Variants in PRMT9 observed in about 807,000 individuals in gnomAD.
The protein encoded by PRMT9 is protein arginine methyltransferase 9, also known as protein arginine N-methyltransferase 9.
In PRMT9, 59 loss-of-function variants were observed where a neutral mutation model predicts 83.2. That is an observed-to-expected ratio of 0.71 (90% CI 0.57 to 0.88). PRMT9 has a LOEUF of 0.88. PRMT9 is among the 40% of genes least tolerant of loss of function. PRMT9 has a pLI of 0.00. For synonymous variants in PRMT9, 333 were observed against 353.2 expected, an observed-to-expected ratio of 0.94 and a Z score of 0.64; for missense variants, 947 against 1,021.9, an observed-to-expected ratio of 0.93 and a Z score of 1.00.
In PRMT9 at chr4:147,670,731, A is replaced by T. The variant is rs1411746984; in HGVS notation, c.756T>A (p.Val252=). The change falls in exon 5 of 12, where the codon GTT becomes GTA. Residue 252 remains valine, a synonymous_variant. Transcript: ENST00000322396. The stretch of plus-strand genomic sequence containing the variant: ...AACCTGCATCGACAGTTTCTGTTAC[A>T]ACTAGGGACACTCTATAGAATGATT... ...PKHIPERVSL[V]VTETVDAGLF... The T allele has an allele frequency of 2.5e-6, 4 of 1,604,916 alleles. No individual in the cohort carries two copies. The highest frequency in any genetic ancestry group is 3.4e-6 in the Non-Finnish European group (4 of 1,172,002).
chr4:147,662,798 C>CA (rs1460885570), intron 6 of PRMT9, among the ~76,000 whole-genome samples: 4 of 149,390 alleles, frequency 2.7e-5, no homozygotes, highest in African/African-American at 7.4e-5. Context: ...GACCCTGTCT[C>CA]AAAAAAACAA....
chr4:147,645,612 T>C lies in PRMT9; in HGVS notation c.2046-2672A>G, dbSNP rs1161954667. Among the ~76,000 whole-genome samples, 3 of 152,236 alleles carry C rather than the reference T, an allele frequency of 2.0e-5. No homozygotes were observed. The East Asian group carries it at 5.8e-4, about 29-fold the overall frequency. ...TCAACTATCAAATGGTTCAGTAAACTAAACAATAATCTAGTGTTCTCTGTT... is the reference window on the plus strand; with the variant it reads ...TCAACTATCAAATGGTTCAGTAAACCAAACAATAATCTAGTGTTCTCTGTT... On this transcript the variant is annotated intron_variant, in intron 9 of 11. Transcript: ENST00000322396.
intron 2 of PRMT9, among the ~76,000 whole-genome samples, chr4:147,675,876 C>T (rs1457715210): frequency 1.3e-5 from 2 of 152,154 alleles, no homozygotes; most frequent in African/African-American, 2.4e-5. Flanking sequence ...TTGAGACACT[C>T]CAGACACATT....
intron 7 of PRMT9, among the ~76,000 whole-genome samples, chr4:147,659,760 TAGTAGAG>T (rs1734823727): frequency 6.6e-6 from 1 of 151,972 alleles, no homozygotes; most frequent in South Asian, 2.1e-4. Context: ...TGTATTTTTT[TAGTAGAG>T]ACAGGGTTTC....
At chr4:147,664,368 T>C (rs2126616090) in intron 6 of PRMT9, among the ~76,000 whole-genome samples, 1 of 152,360 alleles carries the variant, frequency 6.6e-6, no homozygotes, top group South Asian at 2.1e-4. Flanking sequence ...CCTGTCTCTT[T>C]AATCTCCTTT....
intron 5 of PRMT9, 40 bp downstream of exon 5, chr4:147,670,601 C>T (rs367691420): frequency 1.2e-5 from 15 of 1,216,416 alleles, no homozygotes; most frequent in African/African-American, 3.0e-5. Flanking sequence ...GATGAAATAA[C>T]GAATTCTTAA....
rs748085396 is a variant in PRMT9 at position 147,673,768 on chromosome 4, C to A, written c.445G>T (p.Val149Leu). The A allele has an allele frequency of 7.4e-6, 12 of 1,613,974 alleles. No individual in the cohort carries two copies. The East Asian group carries it at 2.4e-4, about 33-fold the overall frequency. The change falls in exon 3 of 12, where the codon GTG becomes TTG. Residue 149 changes from valine to leucine, a missense_variant. Physicochemically the swap from Val to Leu is conservative, Grantham distance 32. Coordinates refer to ENST00000322396, the MANE Select transcript of PRMT9 (RefSeq NM_138364.4). Reference sequence around the variant, plus strand: ...AGCATGATAAAGTGCCAGCGTTCCACCAACCAGTTTGCAACACGATAAAAA... The same window carrying A: ...AGCATGATAAAGTGCCAGCGTTCCAACAACCAGTTTGCAACACGATAAAAA... Reference protein sequence around the residue: ...ENFYRVANWLVERWHFIMLND... With the variant: ...ENFYRVANWLLERWHFIMLND...
At chr4:147,668,685 T>G (rs1213030973) in intron 5 of PRMT9, 40 bp from the exon 6 acceptor site, 1 of 1,113,450 alleles carries the variant, frequency 9.0e-7, no homozygotes, top group African/African-American at 1.5e-5. Context: ...ATCACATGTA[T>G]GTAAAAATGT....
chr4:147,665,124 C>CAAAAAAA (rs370245859), intron 6 of PRMT9, among the ~76,000 whole-genome samples: 1 of 116,664 alleles, frequency 8.6e-6, no homozygotes, highest in Non-Finnish European at 1.7e-5. Flanking sequence ...TCTGTCTAAA[C>CAAAAAAA]AAAAAAAAAA....
chr4:147,683,723 T>A, intron 1 of PRMT9, 76 bp downstream of exon 1: 1 of 1,330,844 alleles, frequency 7.5e-7, no homozygotes, highest in Non-Finnish European at 1.0e-6. Context: ...CCCTCCGCTT[T>A]TTTTTTTTTC....
At chr4:147,669,587 C>T (rs962255897) in intron 5 of PRMT9, among the ~76,000 whole-genome samples, 13 of 150,020 alleles carry the variant, frequency 8.7e-5, no homozygotes, top group African/African-American at 2.5e-4. Context: ...CAGGAGCGTT[C>T]GCTCACACCT....
In PRMT9 at chr4:147,654,572, T is replaced by C; in HGVS notation, c.1331-6A>G. Reference sequence around the variant, plus strand: ...TCCAGGCTTTATCCAGTAGTCTTCATTAAATAGTAAGGAAGAAAAAAAATA... The same window carrying C: ...TCCAGGCTTTATCCAGTAGTCTTCACTAAATAGTAAGGAAGAAAAAAAATA... On this transcript the variant is annotated splice_region_variant and splice_polypyrimidine_tract_variant and intron_variant, in intron 8 of 11. Transcript: ENST00000322396. 1 of 1,591,978 alleles carries C rather than the reference T, an allele frequency of 6.3e-7. No homozygotes were observed. Among genetic ancestry groups the C allele is most frequent in the Non-Finnish European group, 8.6e-7 (1 of 1,161,328 alleles).
At chr4:147,675,108 G>A (rs1735982582) in intron 2 of PRMT9, among the ~76,000 whole-genome samples, 1 of 152,042 alleles carries the variant, frequency 6.6e-6, no homozygotes, top group Non-Finnish European at 1.5e-5. Context: ...AGCCTCCCAA[G>A]TAGCTGGGAT....
chr4:147,644,456 G>GACCTTGGGTTT (rs1733605759), intron 9 of PRMT9, among the ~76,000 whole-genome samples: 1 of 146,694 alleles, frequency 6.8e-6, no homozygotes, highest in Non-Finnish European at 1.5e-5. Flanking sequence ...TTCCTACGTT[G>GACCTTGGGTTT]ACCTTGGGTT....
chr4:147,652,249 T>C (rs979637062), intron 9 of PRMT9, among the ~76,000 whole-genome samples: 4 of 152,108 alleles, frequency 2.6e-5, no homozygotes, highest in African/African-American at 9.7e-5. Context: ...AATGACATTA[T>C]AAAAAGGCCT....
chr4:147,654,481 C>G lies in PRMT9; in HGVS notation c.1416G>C (p.Leu472Phe), dbSNP rs1734348012. 1.1e-5 allele frequency: 17 copies of G among 1,613,908 alleles called. No homozygotes were observed. Among genetic ancestry groups the G allele is most frequent in the Non-Finnish European group, 1.2e-5 (14 of 1,179,952 alleles). Residue 472 changes from leucine (L) to phenylalanine (F), a missense_variant, in exon 9 of 12, where the codon TTG becomes TTC. Transcript: ENST00000322396. ...CYLRIQSISV[L>F]GLECEMDVAK... ...CAACATCCATTTCACATTCCAAACC[C>G]AAGACACTAATACTCTGGATTCTTA...
At chr4:147,648,881 G>A (rs541902560) in intron 9 of PRMT9, among the ~76,000 whole-genome samples, 3 of 152,220 alleles carry the variant, frequency 2.0e-5, no homozygotes, top group South Asian at 2.1e-4. Context: ...AAAAGATAGT[G>A]TCAGATCTTA....
At chr4:147,677,284 G>A (rs546162075) in intron 2 of PRMT9, among the ~76,000 whole-genome samples, 10 of 151,412 alleles carry the variant, frequency 6.6e-5, no homozygotes, top group Admixed American at 5.3e-4. Flanking sequence ...TCTATGGAGA[G>A]TACACAAAAA....
At chr4:147,666,169 A>C (rs1028389689) in intron 6 of PRMT9, among the ~76,000 whole-genome samples, 3 of 152,266 alleles carry the variant, frequency 2.0e-5, no homozygotes, top group Non-Finnish European at 4.4e-5. Flanking sequence ...TCTCTGATTA[A>C]TAGACAATTA....
Sources: allele counts gnomAD v4.1 joint callset (sites outside exome capture counted in the v4.1 genomes callset), GRCh38; gene constraint gnomAD v4.1.1; transcripts MANE v1.5; gene names NCBI Gene and HGNC (gene_info 2026-07-23, HGNC 2026-07-21).